COG5: variants seen among roughly 807,000 people sequenced by gnomAD.
The protein encoded by COG5 is conserved oligomeric Golgi complex subunit 5.
Under a neutral mutation model 110.4 loss-of-function variants are expected in COG5, and 86 were observed. The ratio of observed to expected loss-of-function variants is 0.78; its 90% confidence interval spans 0.65 to 0.93. The LOEUF is 0.93. COG5 is among the 40% of genes least tolerant of loss of function. The pLI is 0.00. For missense variants in COG5, 1,077 were observed against 987.0 expected (o/e 1.09, Z -1.22); for synonymous variants, 360 against 334.6 (o/e 1.08, Z -0.83).
At chr7:107,261,314 T>TTC (rs146146553) in intron 14 of COG5, among the ~76,000 whole-genome samples, 264 of 149,186 alleles carry the variant, frequency 1.8e-3, no homozygotes, top group East Asian at 5.7e-3. Flanking sequence ...ATCATTTGTA[T>TTC]TCTCTCTCTC....
chr7:107,233,916 A>G (rs1300638957), intron 18 of COG5, among the ~76,000 whole-genome samples: 2 of 152,246 alleles, frequency 1.3e-5, no homozygotes, highest in African/African-American at 4.8e-5. Context: ...GTGGCAAGAA[A>G]CCAAACCAAA....
At chr7:107,383,548 C>T (rs902215478) in intron 7 of COG5, among the ~76,000 whole-genome samples, 1 of 152,146 alleles carries the variant, frequency 6.6e-6, no homozygotes. Flanking sequence ...GGCCCCCCTA[C>T]CTCAAGGGTG....
At chr7:107,552,520 A>G (rs1802984118) in intron 3 of COG5, among the ~76,000 whole-genome samples, 2 of 152,202 alleles carry the variant, frequency 1.3e-5, no homozygotes, top group Non-Finnish European at 2.9e-5. Flanking sequence ...CACACATGAA[A>G]AAAAAATGCT....
intron 7 of COG5, among the ~76,000 whole-genome samples, chr7:107,408,589 T>C (rs1792039257): frequency 6.6e-6 from 1 of 152,366 alleles, no homozygotes; most frequent in East Asian, 1.9e-4. Context: ...GTTTGACATT[T>C]AGATGGCAGA....
Position 107,474,044 on chromosome 7 carries a change from C to T in COG5, c.538+53193G>A, listed in dbSNP as rs1446557123. 7.1e-7 allele frequency: 1 copy of T among 1,413,518 alleles called. No individual in the cohort carries two copies. The highest frequency in any genetic ancestry group is 2.2e-5 in the Admixed American group (1 of 45,874). 87.6% of individuals were successfully genotyped at this position (1,413,518 alleles called of 1,614,324 possible). A position where few individuals can be genotyped will look rare whatever the true frequency, so the allele number is the denominator to read the frequency against. On this transcript the variant is annotated intron_variant, in intron 6 of 21. Transcript: ENST00000297135. This position sits in a 1 kb window ranked among gnomAD's most constrained non-coding sequence, Gnocchi z 5.7. ...CTATTTCACTTTCTAGGGAAAAAAA[C>T]CAACTGCTCCAAAAGAATGTGTTTT...
At chr7:107,297,366 TA>T (rs1284331272) in intron 12 of COG5, among the ~76,000 whole-genome samples, 6 of 151,802 alleles carry the variant, frequency 4.0e-5, no homozygotes, top group African/African-American at 1.5e-4. Flanking sequence ...TATGTCATTT[TA>T]CCTAAAAAAC....
At chr7:107,424,266 C>T (rs1793493947) in intron 6 of COG5, among the ~76,000 whole-genome samples, 1 of 151,992 alleles carries the variant, frequency 6.6e-6, no homozygotes, top group Admixed American at 6.6e-5. Context: ...GAGCGAGAGT[C>T]TGTCTCCAAA....
At chr7:107,465,813 A>C (rs1357914510) in intron 6 of COG5, among the ~76,000 whole-genome samples, 1 of 152,164 alleles carries the variant, frequency 6.6e-6, no homozygotes, top group Non-Finnish European at 1.5e-5. Context: ...CTCTTTATAT[A>C]AAGAATGGCA....
At position 107,372,696 on chromosome 7, in the gene COG5, A is replaced by G; in HGVS notation, c.734T>C (p.Ile245Thr). The change falls in exon 8 of 22, where the codon ATT (isoleucine) becomes ACT (threonine). Residue 245 changes from isoleucine to threonine, a missense_variant. Coordinates refer to ENST00000297135, the MANE Select transcript of COG5 (RefSeq NM_006348.5). ...FYNLGTLKDT[I>T]TSVVDGYCAT... is the part of the protein sequence containing the mutation. ...ACAATATCCATCCACAACACTGGTA[A>G]TAGTATCCTTCAAAGTTCCAAGATT... 1 of 1,613,568 alleles carries G rather than the reference A, an allele frequency of 6.2e-7. No individual in the cohort carries two copies. The highest frequency in any genetic ancestry group is 1.1e-5 in the South Asian group (1 of 91,064).
chr7:107,290,383 C>T (rs1269514995), intron 12 of COG5, among the ~76,000 whole-genome samples: 1 of 152,172 alleles, frequency 6.6e-6, no homozygotes, highest in Non-Finnish European at 1.5e-5. Flanking sequence ...CAAAATAAAC[C>T]TCTAAATTAA....
At chr7:107,413,865 T>C (rs1348301889) in intron 6 of COG5, among the ~76,000 whole-genome samples, 1 of 152,246 alleles carries the variant, frequency 6.6e-6, no homozygotes, top group East Asian at 1.9e-4. Context: ...ACAATCTTGC[T>C]AGAAATCTCA....
At chr7:107,400,709 C>A (rs1035728413) in intron 7 of COG5, among the ~76,000 whole-genome samples, 1 of 151,986 alleles carries the variant, frequency 6.6e-6, no homozygotes, top group Admixed American at 6.6e-5. Flanking sequence ...TAAAAGCAGA[C>A]AGTTAATTAG....
At chr7:107,495,818 A>G (rs1412456929) in intron 6 of COG5, among the ~76,000 whole-genome samples, 1 of 152,194 alleles carries the variant, frequency 6.6e-6, no homozygotes, top group African/African-American at 2.4e-5. Context: ...AGAAGACACA[A>G]AAGTATTTGA....
In COG5 at chr7:107,527,490, C is replaced by A. The variant is rs1009216798; in HGVS notation, c.418-133G>T. ...GCACATGTTTACCTATGTAACAAAC[C>A]TGCACATGTATCCCGGAACTTAAAT... On this transcript the variant is annotated intron_variant, in intron 5 of 21. Transcript: ENST00000297135. The A allele has an allele frequency of 6.7e-6, 6 of 902,176 alleles. No individual in the cohort carries two copies. The African/African-American group carries it at 1.0e-4, about 15-fold the overall frequency. The allele number at this position is 902,176 out of a possible 1,614,324, so 55.9% of individuals were successfully genotyped here. A position where few individuals can be genotyped will look rare whatever the true frequency, so the allele number is the denominator to read the frequency against.
Position 107,476,183 on chromosome 7 carries a change from TTAA to T in COG5, c.538+51051_538+51053del, listed in dbSNP as rs1439603087. Among the ~76,000 whole-genome samples the T allele has an allele frequency of 1.9e-3, 167 of 86,470 alleles. 2 individuals carry two copies. Among genetic ancestry groups the T allele is most frequent in the African/African-American group, 7.6e-3 (130 of 17,212 alleles). 56.7% of individuals were successfully genotyped at this position (86,470 alleles called of 152,430 possible). ...TCTGGATTAATATAGTGCAATGATT[TTAA>T]AAAAAAAAAAAAAAAAAAAAAGAAC... On this transcript the variant is annotated intron_variant, in intron 6 of 21. Coordinates refer to ENST00000297135, the MANE Select transcript of COG5 (RefSeq NM_006348.5).
chr7:107,281,513 T>A, intron 13 of COG5, 114 bp from the exon 14 acceptor site: 1 of 794,632 alleles, frequency 1.3e-6, no homozygotes, highest in East Asian at 2.7e-5. Context: ...TTTATAGATT[T>A]CACTGCTTCC....
intron 6 of COG5, among the ~76,000 whole-genome samples, chr7:107,415,760 ATG>A (rs1172080827): frequency 2.8e-5 from 4 of 145,238 alleles, no homozygotes; most frequent in Admixed American, 6.9e-5. Context: ...GTATATATGT[ATG>A]TGTGTATATA....
intron 6 of COG5, among the ~76,000 whole-genome samples, chr7:107,461,252 T>C (rs1795975693): frequency 6.6e-6 from 1 of 151,814 alleles, no homozygotes; most frequent in African/African-American, 2.4e-5. Context: ...TCAAAATAGG[T>C]TTATGTCAAA....
intron 10 of COG5, among the ~76,000 whole-genome samples, chr7:107,331,904 C>G (rs1033251989): frequency 1.5e-4 from 22 of 149,136 alleles, no homozygotes; most frequent in African/African-American, 4.7e-4. Flanking sequence ...TACAGTGGCA[C>G]GATCTCGGCT....
Sources: gnomAD v4.1 joint callset for allele counts (sites outside exome capture counted in the v4.1 genomes callset) on GRCh38, gnomAD v4.1.1 for gene constraint, Gnocchi (gnomAD v3.1) non-coding constraint, MANE v1.5 for transcripts, NCBI Gene and HGNC (gene_info 2026-07-23, HGNC 2026-07-21) for gene names.